UNC5D: variants seen among roughly 807,000 people sequenced by gnomAD.
UNC5D encodes the protein netrin receptor UNC5D.
In UNC5D, 39 loss-of-function variants were observed where a neutral mutation model predicts 105.4. The observed-to-expected ratio is 0.37, with a 90% CI of 0.29 to 0.48. UNC5D has a LOEUF of 0.48. Among genes scored for constraint, UNC5D ranks in the 20% least tolerant of loss-of-function variants. The probability of loss-of-function intolerance (pLI) is 0.98; values close to 1 mark genes in which losing one functional copy is unlikely to be tolerated. For missense variants in UNC5D, 991 were observed against 1,202.4 expected, an observed-to-expected ratio of 0.82 and a Z score of 2.60; for synonymous variants, 452 against 450.4, an observed-to-expected ratio of 1.00 and a Z score of -0.04.
chr8:35,309,715 A>G (rs545026779), intron 1 of UNC5D, among the ~76,000 whole-genome samples: 1 of 152,260 alleles, frequency 6.6e-6, no homozygotes, highest in East Asian at 1.9e-4. Flanking sequence ...CTAGTAATGT[A>G]GAGTCTTCTC....
chr8:35,310,224 A>T (rs1808767397), intron 1 of UNC5D, among the ~76,000 whole-genome samples: 1 of 152,166 alleles, frequency 6.6e-6, no homozygotes, highest in African/African-American at 2.4e-5. Flanking sequence ...GTTTGCTTTA[A>T]TATCTTCTTT....
intron 4 of UNC5D, among the ~76,000 whole-genome samples, chr8:35,647,644 T>C (rs1162902949): frequency 6.6e-6 from 1 of 152,186 alleles, no homozygotes; most frequent in Non-Finnish European, 1.5e-5. Flanking sequence ...AATGCTCTCT[T>C]AGCAGATAAC....
intron 14 of UNC5D, 145 bp downstream of exon 14, chr8:35,759,614 G>T (rs1314386563): frequency 3.2e-6 from 3 of 936,204 alleles, no homozygotes; most frequent in African/African-American, 3.3e-5. Context: ...GTAACAGTTT[G>T]GACTACACAC....
At chr8:35,484,155 C>T (rs1810676888) in intron 1 of UNC5D, among the ~76,000 whole-genome samples, 1 of 152,098 alleles carries the variant, frequency 6.6e-6, no homozygotes, top group African/African-American at 2.4e-5. Flanking sequence ...TGCCAAGCTC[C>T]TTGTCCAAAG....
chr8:35,721,692 A>T (rs1163745057), intron 8 of UNC5D, among the ~76,000 whole-genome samples: 1 of 152,148 alleles, frequency 6.6e-6, no homozygotes, highest in Non-Finnish European at 1.5e-5. Context: ...ACCAAAGCTA[A>T]AATTCATATT....
chr8:35,444,969 AG>A (rs1308352891), intron 1 of UNC5D, among the ~76,000 whole-genome samples: 1 of 152,072 alleles, frequency 6.6e-6, no homozygotes, highest in Non-Finnish European at 1.5e-5. Context: ...AAAGTGTCTC[AG>A]TTTAGATGAT....
chr8:35,471,133 T>A (rs1226769351), intron 1 of UNC5D, among the ~76,000 whole-genome samples: 2 of 152,092 alleles, frequency 1.3e-5, no homozygotes, highest in Non-Finnish European at 2.9e-5. Context: ...ACCGAGCTGT[T>A]GCTTGAGAAG....
chr8:35,340,158 A>T (rs980998843), intron 1 of UNC5D, among the ~76,000 whole-genome samples: 2 of 152,148 alleles, frequency 1.3e-5, no homozygotes, highest in Non-Finnish European at 2.9e-5. Context: ...GGACCAGATG[A>T]TGGGAAGAGG....
At chr8:35,393,539 A>G (rs568879819) in intron 1 of UNC5D, among the ~76,000 whole-genome samples, 3 of 152,144 alleles carry the variant, frequency 2.0e-5, no homozygotes, top group Non-Finnish European at 4.4e-5. Flanking sequence ...TTTATATCTC[A>G]CTGTCATGTA....
At chr8:35,430,401 A>T (rs1027694515) in intron 1 of UNC5D, among the ~76,000 whole-genome samples, 4 of 152,200 alleles carry the variant, frequency 2.6e-5, no homozygotes, top group Non-Finnish European at 5.9e-5. Flanking sequence ...ACCCTTTGTA[A>T]TATCCTTTAT....
At chr8:35,734,611 T>C (rs1454115497) in intron 11 of UNC5D, among the ~76,000 whole-genome samples, 1 of 151,938 alleles carries the variant, frequency 6.6e-6, no homozygotes, top group African/African-American at 2.4e-5. Flanking sequence ...GGTTTCTCTA[T>C]GTTGGTCAGG....
chr8:35,670,988 G>GAAATAAAT (rs61603358), intron 4 of UNC5D, among the ~76,000 whole-genome samples: 1 of 151,518 alleles, frequency 6.6e-6, no homozygotes, highest in Non-Finnish European at 1.5e-5. Flanking sequence ...TTCAAGATGA[G>GAAATAAAT]AAATAACCTA....
rs182859587 is a variant in UNC5D at position 35,713,436 on chromosome 8, T to C, written c.1117+7475T>C. 1.2e-3 allele frequency among the ~76,000 whole-genome samples: 190 copies of C among 152,310 alleles called. 3 individuals carry two copies. Among genetic ancestry groups the C allele is most frequent in the Middle Eastern group, 3.4e-3 (1 of 294 alleles). On this transcript the variant is annotated intron_variant, in intron 8 of 16. Transcript: ENST00000404895. ...CTTCTGTTTCAATTTTGTCTCCCCA[T>C]CTGATTGGCAAAAGCATAGTTCTTT...
intron 11 of UNC5D, among the ~76,000 whole-genome samples, chr8:35,741,721 C>T (rs1476305014): frequency 1.3e-5 from 2 of 152,146 alleles, no homozygotes; most frequent in Non-Finnish European, 2.9e-5. Flanking sequence ...TCAGAATGGA[C>T]TGTCCTATAT....
At chr8:35,655,372 C>T (rs991320121) in intron 4 of UNC5D, among the ~76,000 whole-genome samples, 1 of 152,098 alleles carries the variant, frequency 6.6e-6, no homozygotes, top group Admixed American at 6.5e-5. Flanking sequence ...AGGTAGATGC[C>T]CTTTGCTTTA....
At chr8:35,382,511 G>A (rs958311576) in intron 1 of UNC5D, among the ~76,000 whole-genome samples, 1 of 152,064 alleles carries the variant, frequency 6.6e-6, no homozygotes, top group African/African-American at 2.4e-5. Flanking sequence ...GCTGGTTTGG[G>A]ATTTTAAAGA....
chr8:35,359,093 A>G (rs1018447878), intron 1 of UNC5D, among the ~76,000 whole-genome samples: 9 of 152,300 alleles, frequency 5.9e-5, no homozygotes, highest in Non-Finnish European at 2.9e-5. Flanking sequence ...CGACGCTGCA[A>G]TCAGCTGTGA....
rs1166530256 is a variant in UNC5D at position 35,622,211 on chromosome 8, G to A, written c.570+26554G>A. Among the ~76,000 whole-genome samples the A allele has an allele frequency of 2.0e-5, 3 of 152,050 alleles. No homozygotes were observed. The South Asian group carries it at 6.2e-4, about 32-fold the overall frequency. On this transcript the variant is annotated intron_variant, in intron 4 of 16. Coordinates refer to ENST00000404895, the MANE Select transcript of UNC5D (RefSeq NM_080872.4). Reference sequence around the variant, plus strand: ...ACAAAAATTAGCTGGGCGTGGTGGTGCACACCTTTAGTCCCAGCTACTCGA... The same window carrying A: ...ACAAAAATTAGCTGGGCGTGGTGGTACACACCTTTAGTCCCAGCTACTCGA...
intron 1 of UNC5D, among the ~76,000 whole-genome samples, chr8:35,323,111 A>G (rs2128887698): frequency 6.6e-6 from 1 of 152,172 alleles, no homozygotes; most frequent in Non-Finnish European, 1.5e-5. Context: ...CAGAAAAGAT[A>G]AATATTAATT....
Sources: allele counts gnomAD v4.1 joint callset (sites outside exome capture counted in the v4.1 genomes callset), GRCh38; gene constraint gnomAD v4.1.1; transcripts MANE v1.5; gene names NCBI Gene and HGNC (gene_info 2026-07-23, HGNC 2026-07-21).